CACNB2: variants seen among roughly 807,000 people sequenced by gnomAD.
CACNB2 encodes voltage-dependent L-type calcium channel subunit beta-2.
In CACNB2, 42 loss-of-function variants were observed where a neutral mutation model predicts 73.3. The ratio of observed to expected loss-of-function variants is 0.57; its 90% confidence interval spans 0.45 to 0.74. The LOEUF is 0.74. Ranked by LOEUF, CACNB2 falls within the 30% of genes least tolerant of loss-of-function variation. The pLI is 0.00. For missense variants in CACNB2, 940 were observed against 853.0 expected, an observed-to-expected ratio of 1.10 and a Z score of -1.27; for synonymous variants, 348 against 310.3, an observed-to-expected ratio of 1.12 and a Z score of -1.28.
intron 2 of CACNB2, among the ~76,000 whole-genome samples, chr10:18,314,715 C>T (rs1276334630): frequency 6.6e-6 from 1 of 152,122 alleles, no homozygotes; most frequent in Non-Finnish European, 1.5e-5. Flanking sequence ...CTACAGTACC[C>T]ACTGTAACAA....
At chr10:18,468,616 T>TG (rs1232889061) in intron 3 of CACNB2, among the ~76,000 whole-genome samples, 31 of 152,256 alleles carry the variant, frequency 2.0e-4, no homozygotes, top group African/African-American at 7.0e-4. Flanking sequence ...TATTTTGTTT[T>TG]GAGACGGAGT....
chr10:18,374,326 C>T (rs1047926495), intron 2 of CACNB2, among the ~76,000 whole-genome samples: 4 of 152,032 alleles, frequency 2.6e-5, no homozygotes, highest in East Asian at 1.9e-4. Flanking sequence ...TTTCAAAGGC[C>T]GAAGAGAGAG....
Position 18,534,073 on chromosome 10 carries a change from C to A in CACNB2, c.1055-3C>A. On this transcript the variant is annotated splice_polypyrimidine_tract_variant and splice_region_variant and intron_variant, in intron 10 of 13. Coordinates refer to ENST00000324631, the MANE Select transcript of CACNB2 (RefSeq NM_201596.3). The stretch of plus-strand genomic sequence containing the variant: ...TTTAACTGAATTGTTTCGCCCTTTA[C>A]AGCGGAAGTTCAGAGTGAAATCGAA... 1.2e-6 allele frequency: 2 copies of A among 1,614,016 alleles called. No homozygotes were observed. The highest frequency in any genetic ancestry group is 2.2e-5 in the South Asian group (2 of 91,080).
intron 2 of CACNB2, among the ~76,000 whole-genome samples, chr10:18,183,791 C>A (rs762728142): frequency 6.6e-6 from 1 of 152,102 alleles, no homozygotes; most frequent in African/African-American, 2.4e-5. Flanking sequence ...AGATGTGAAC[C>A]TATGGGTGCC....
intron 2 of CACNB2, among the ~76,000 whole-genome samples, chr10:18,301,581 C>T (rs1291348296): frequency 1.3e-5 from 2 of 151,662 alleles, no homozygotes; most frequent in East Asian, 2.0e-4. Flanking sequence ...GGTAACAGAG[C>T]GAGATCCTGT....
chr10:18,217,530 G>C (rs1220544333), intron 2 of CACNB2, among the ~76,000 whole-genome samples: 1 of 151,896 alleles, frequency 6.6e-6, no homozygotes, highest in Admixed American at 6.6e-5. Context: ...TGTTTAGTAT[G>C]GCAAAATTGT....
rs370201485 is a variant in CACNB2, at chr10:18,171,521, G to GAAAAAAAAAA, written c.213+20565_213+20574dup. 3.6e-3 allele frequency among the ~76,000 whole-genome samples: 117 copies of GAAAAAAAAAA among 32,598 alleles called. 29 individuals are homozygous for GAAAAAAAAAA. Among genetic ancestry groups the GAAAAAAAAAA allele is most frequent in the African/African-American group, 6.5e-3 (64 of 9,812 alleles). The allele number at this position is 32,598 out of a possible 152,430, so 21.4% of individuals were successfully genotyped here. On this transcript the variant is annotated intron_variant, in intron 2 of 13. Coordinates refer to ENST00000324631, the MANE Select transcript of CACNB2 (RefSeq NM_201596.3). ...TCCCTTCTTCCCGGCTTTGATAGCA[G>GAAAAAAAAAA]AAAAAAAAAAAAAAAAAAAAAAAAA...
At chr10:18,209,318 T>TC (rs1376845920) in intron 2 of CACNB2, among the ~76,000 whole-genome samples, 3 of 152,230 alleles carry the variant, frequency 2.0e-5, no homozygotes, top group African/African-American at 7.2e-5. Flanking sequence ...GATATGTTTC[T>TC]CCAGGGGCTT....
intron 2 of CACNB2, among the ~76,000 whole-genome samples, chr10:18,399,905 C>T (rs2043904941): frequency 6.6e-6 from 1 of 152,162 alleles, no homozygotes; most frequent in South Asian, 2.1e-4. Context: ...CAGCCTCACT[C>T]ACCTCATCTA....
rs141377460 is a variant in CACNB2, at chr10:18,199,941, C to CTGTGTGTGTGTGTG, written c.213+48996_213+49009dup. On this transcript the variant is annotated intron_variant, in intron 2 of 13. Transcript: ENST00000324631. ...AGTTTGCAATGCATTGTATATGAAA[C>CTGTGTGTGTGTGTG]TGTGTGTGTGTGTGTGTGTGTGTGT... Among the ~76,000 whole-genome samples, 640 of 136,498 alleles carry CTGTGTGTGTGTGTG rather than the reference C, an allele frequency of 4.7e-3. 8 individuals are homozygous for CTGTGTGTGTGTGTG. Among genetic ancestry groups the CTGTGTGTGTGTGTG allele is most frequent in the Middle Eastern group, 0.026 (7 of 268 alleles). The allele number at this position is 136,498 out of a possible 152,430, so 89.5% of individuals were successfully genotyped here.
intron 2 of CACNB2, among the ~76,000 whole-genome samples, chr10:18,250,484 T>G (rs1272559236): frequency 1.3e-5 from 2 of 152,188 alleles, no homozygotes; most frequent in Non-Finnish European, 2.9e-5. Context: ...TCAAAACTCA[T>G]CTTTCTAAGA....
intron 2 of CACNB2, among the ~76,000 whole-genome samples, chr10:18,209,211 A>AT (rs1055526111): frequency 2.0e-5 from 3 of 152,028 alleles, no homozygotes; most frequent in Non-Finnish European, 2.9e-5. Context: ...ATGTGGCTTA[A>AT]TTTTTTTTAA....
At chr10:18,171,472 A>G (rs563844408) in intron 2 of CACNB2, among the ~76,000 whole-genome samples, 3 of 140,082 alleles carry the variant, frequency 2.1e-5, no homozygotes, top group African/African-American at 7.9e-5. Flanking sequence ...GCAGGCAGCA[A>G]CATGGCAGTT....
At chr10:18,500,696 T>C (rs2050147071) in intron 4 of CACNB2, 116 bp from the exon 5 acceptor site, 4 of 1,035,580 alleles carry the variant, frequency 3.9e-6, no homozygotes, top group Non-Finnish European at 4.5e-6. Flanking sequence ...TGAATGATAA[T>C]ATTTAAGGCA....
intron 2 of CACNB2, among the ~76,000 whole-genome samples, chr10:18,381,688 C>CAACAATAA (rs2043025591): frequency 1.3e-5 from 1 of 78,532 alleles, no homozygotes. Context: ...GACTCCGTCT[C>CAACAATAA]AAAAAAAAAA....
intron 3 of CACNB2, 147 bp from the exon 4 acceptor site, chr10:18,498,208 C>G: frequency 1.1e-6 from 1 of 931,528 alleles, no homozygotes; most frequent in Non-Finnish European, 1.7e-6. Context: ...TGAATACGAA[C>G]AAGCTGTTTT....
At chr10:18,402,391 G>GAAAAAA (rs57043162) in intron 3 of CACNB2, among the ~76,000 whole-genome samples, 1 of 143,812 alleles carries the variant, frequency 7.0e-6, no homozygotes, top group Non-Finnish European at 1.5e-5. Flanking sequence ...TCTCTGTTAA[G>GAAAAAA]AAAAAAAAAA....
chr10:18,302,701 G>A (rs970579877), intron 2 of CACNB2, among the ~76,000 whole-genome samples: 1 of 152,134 alleles, frequency 6.6e-6, no homozygotes, highest in Non-Finnish European at 1.5e-5. Flanking sequence ...AGGACTCAGG[G>A]GGAAAGGGTG....
At chr10:18,435,217 T>C (rs2046074222) in intron 3 of CACNB2, among the ~76,000 whole-genome samples, 1 of 152,210 alleles carries the variant, frequency 6.6e-6, no homozygotes, top group African/African-American at 2.4e-5. Flanking sequence ...TCTGAAAATA[T>C]CATCCGTAGG....
Sources: gnomAD v4.1 joint callset for allele counts (sites outside exome capture counted in the v4.1 genomes callset) on GRCh38, gnomAD v4.1.1 for gene constraint, MANE v1.5 for transcripts, NCBI Gene and HGNC (gene_info 2026-07-23, HGNC 2026-07-21) for gene names.